TMEM116: variants seen among roughly 807,000 people sequenced by gnomAD.
TMEM116 encodes the protein transmembrane protein 116.
In TMEM116, 38 loss-of-function variants were observed where a neutral mutation model predicts 44.3. The observed-to-expected ratio is 0.86, with a 90% CI of 0.66 to 1.12. The LOEUF is 1.12. Ranked by LOEUF, TMEM116 falls within the 50% of genes most tolerant of loss-of-function variation. The pLI is 0.00. For synonymous variants in TMEM116, 132 were observed against 144.8 expected (o/e 0.91, Z 0.64); for missense variants, 354 against 401.7 (o/e 0.88, Z 1.01).
chr12:111,939,466 A>C (rs1360555692), intron 5 of TMEM116, among the ~76,000 whole-genome samples: 1 of 151,186 alleles, frequency 6.6e-6, no homozygotes, highest in Non-Finnish European at 1.5e-5. Context: ...AAAAAAAAAA[A>C]AAAAAAGTTT....
intron 4 of TMEM116, among the ~76,000 whole-genome samples, chr12:111,983,910 T>C (rs1205018423): frequency 6.6e-6 from 1 of 152,146 alleles, no homozygotes; most frequent in Non-Finnish European, 1.5e-5. Flanking sequence ...TGAATACTGT[T>C]GCAAAAATCC....
At chr12:111,951,884 T>A (rs966462015) in intron 4 of TMEM116, among the ~76,000 whole-genome samples, 2 of 152,066 alleles carry the variant, frequency 1.3e-5, no homozygotes, top group African/African-American at 2.4e-5. Flanking sequence ...AACATCCCAA[T>A]ACAACTTTTT....
chr12:111,946,628 C>T (rs2073302173), intron 4 of TMEM116, among the ~76,000 whole-genome samples: 1 of 152,212 alleles, frequency 6.6e-6, no homozygotes, highest in Non-Finnish European at 1.5e-5. Flanking sequence ...ATGGCCATCA[C>T]AAACATGTCA....
chr12:111,986,168 CA>C (rs2076218866), intron 4 of TMEM116, among the ~76,000 whole-genome samples: 2 of 151,544 alleles, frequency 1.3e-5, no homozygotes, highest in Admixed American at 1.3e-4. Context: ...CCAGCCTGAG[CA>C]ACACGGCAAG....
chr12:111,941,872 A>C (rs1013032470), intron 5 of TMEM116, among the ~76,000 whole-genome samples: 11 of 152,192 alleles, frequency 7.2e-5, no homozygotes, highest in Admixed American at 6.5e-5. Flanking sequence ...AGTTCATAGA[A>C]TCATAGCATC....
At chr12:111,951,141 C>G (rs1355698537) in intron 4 of TMEM116, among the ~76,000 whole-genome samples, 1 of 152,230 alleles carries the variant, frequency 6.6e-6, no homozygotes, top group Non-Finnish European at 1.5e-5. Context: ...CTATCTCACA[C>G]CAGTCAGAAT....
At chr12:112,012,842 G>A (rs1220086389) in intron 1 of TMEM116, 160 bp downstream of exon 1, 1 of 152,586 alleles carries the variant, frequency 6.6e-6, no homozygotes, top group African/African-American at 2.4e-5. Context: ...CCCAGGGGAG[G>A]CGCTCACCTC....
intron 9 of TMEM116, 128 bp downstream of exon 9, chr12:111,933,758 A>G: frequency 8.8e-7 from 1 of 1,141,336 alleles, no homozygotes; most frequent in Non-Finnish European, 1.2e-6. Context: ...AGCCTCCCAA[A>G]GTGCTGGGAT....
At chr12:111,947,632 A>C (rs2073387956) in intron 4 of TMEM116, among the ~76,000 whole-genome samples, 1 of 152,214 alleles carries the variant, frequency 6.6e-6, no homozygotes, top group Non-Finnish European at 1.5e-5. Context: ...TGGTTATGGT[A>C]AACTTTCACC....
chr12:111,946,224 G>A lies in TMEM116; in HGVS notation c.211-2855C>T, dbSNP rs143239680. 5.3e-5 allele frequency among the ~76,000 whole-genome samples: 8 copies of A among 152,218 alleles called. No individual in the cohort carries two copies. The East Asian group carries it at 1.4e-3, about 26-fold the overall frequency. On this transcript the variant is annotated intron_variant, in intron 4 of 10. Coordinates refer to ENST00000552374, the MANE Select transcript of TMEM116 (RefSeq NM_001193531.2). ...CATTCCCCTTGCCAAGACCAGCTTG[G>A]TCATGGAGACCCTAACCCAGTGGTG...
At position 111,943,456 on chromosome 12, in the gene TMEM116, G is replaced by A. The variant is rs532724620; in HGVS notation, c.211-87C>T. On this transcript the variant is annotated intron_variant, in intron 4 of 10. Coordinates refer to ENST00000552374, the MANE Select transcript of TMEM116 (RefSeq NM_001193531.2). ...AACATACTTCATTATTTTCTATTATGAGAATCCTACCTACTAGTCTATTAG... is the reference window on the plus strand; with the variant it reads ...AACATACTTCATTATTTTCTATTATAAGAATCCTACCTACTAGTCTATTAG... 6.3e-6 allele frequency: 6 copies of A among 948,558 alleles called. No homozygotes were observed. The African/African-American group carries it at 8.1e-5, about 13-fold the overall frequency. 58.8% of individuals were successfully genotyped at this position (948,558 alleles called of 1,614,324 possible).
At chr12:111,990,026 C>T (rs925066473) in intron 4 of TMEM116, among the ~76,000 whole-genome samples, 1 of 152,070 alleles carries the variant, frequency 6.6e-6, no homozygotes, top group Non-Finnish European at 1.5e-5. Flanking sequence ...GAGGCCAAGA[C>T]GGGCAGATCA....
intron 3 of TMEM116, among the ~76,000 whole-genome samples, chr12:111,999,864 A>G (rs1275304195): frequency 6.6e-6 from 1 of 152,216 alleles, no homozygotes; most frequent in South Asian, 2.1e-4. Flanking sequence ...ATGGAACTGT[A>G]AAGATTTTGG....
At chr12:112,011,804 T>A (rs1011490121) in intron 1 of TMEM116, 1 of 152,302 alleles carries the variant, frequency 6.6e-6, no homozygotes, top group African/African-American at 2.4e-5. Flanking sequence ...GTCCAAGTGA[T>A]CCTGCTGCCT....
chr12:112,005,476 G>A, intron 1 of TMEM116, 173 bp from the exon 2 acceptor site: 1 of 500,522 alleles, frequency 2.0e-6, no homozygotes, highest in Non-Finnish European at 3.1e-6. Context: ...GAAAGACAAG[G>A]TGCTCCTTTT....
intron 4 of TMEM116, among the ~76,000 whole-genome samples, chr12:111,985,741 C>A (rs1265406885): frequency 1.3e-5 from 2 of 151,960 alleles, no homozygotes; most frequent in African/African-American, 4.8e-5. Context: ...GAATTATAGG[C>A]GCACACCACC....
intron 4 of TMEM116, among the ~76,000 whole-genome samples, chr12:111,960,491 C>CAAAAAA (rs545322547): frequency 3.5e-5 from 1 of 28,574 alleles, no homozygotes; most frequent in African/African-American, 1.2e-4. Context: ...GACTCCGTCT[C>CAAAAAA]AAAAAAAAAA....
At position 112,003,864 on chromosome 12, in the gene TMEM116, CTG is replaced by C; in HGVS notation, c.15-3_15-2del. 1 of 1,499,446 alleles carries C rather than the reference CTG, an allele frequency of 6.7e-7. No individual in the cohort carries two copies. Among genetic ancestry groups the C allele is most frequent in the Non-Finnish European group, 8.8e-7 (1 of 1,134,704 alleles). 92.9% of individuals were successfully genotyped at this position (1,499,446 alleles called of 1,614,324 possible). A position where few individuals can be genotyped will look rare whatever the true frequency, so the allele number is the denominator to read the frequency against. Reference sequence around the variant, plus strand: ...AATAAGTGAACTTGAACCTATAACACTGAGAAATTTAGAAGATGATTGATCAT... The same window carrying C: ...AATAAGTGAACTTGAACCTATAACACAGAAATTTAGAAGATGATTGATCAT... On this transcript the variant is annotated splice_acceptor_variant and splice_polypyrimidine_tract_variant and intron_variant, in intron 2 of 10. Coordinates refer to ENST00000552374, the MANE Select transcript of TMEM116 (RefSeq NM_001193531.2). LOFTEE classifies it high-confidence loss of function.
chr12:111,957,435 C>T (rs7965368), intron 4 of TMEM116, among the ~76,000 whole-genome samples: 29,400 of 151,152 alleles, frequency 0.19, 3,006 homozygotes, highest in Middle Eastern at 0.27. Context: ...CGCCCGGCAG[C>T]CACCCCGTCT....
Sources: allele counts gnomAD v4.1 joint callset (sites outside exome capture counted in the v4.1 genomes callset), GRCh38; gene constraint gnomAD v4.1.1; transcripts MANE v1.5; gene names NCBI Gene and HGNC (gene_info 2026-07-23, HGNC 2026-07-21).